Variants in GPD2 observed in about 807,000 individuals in gnomAD.
GPD2 encodes glycerol-3-phosphate dehydrogenase 2.
GPD2 carries 54 observed loss-of-function variants against 82.4 expected under a neutral mutation model. The ratio of observed to expected loss-of-function variants is 0.66; its 90% confidence interval spans 0.53 to 0.82. GPD2 has a LOEUF of 0.82. Among genes scored for constraint, GPD2 ranks in the 40% least tolerant of loss-of-function variants. The pLI, the probability that GPD2 is intolerant of heterozygous loss-of-function variation, is 0.00. For missense variants in GPD2, 748 were observed against 896.2 expected, an observed-to-expected ratio of 0.83 and a Z score of 2.11; for synonymous variants, 288 against 306.1, an observed-to-expected ratio of 0.94 and a Z score of 0.62.
intron 3 of GPD2, among the ~76,000 whole-genome samples, chr2:156,504,259 T>C (rs546943709): frequency 1.8e-4 from 28 of 152,248 alleles, no homozygotes; most frequent in Non-Finnish European, 3.8e-4. Flanking sequence ...AAGAGGATAA[T>C]ATTTTAGAGG....
chr2:156,425,747 C>T, the GPD2 span, among the ~76,000 whole-genome samples: 736 of 152,292 alleles, frequency 4.8e-3, 5 homozygotes, highest in African/African-American at 0.017. Flanking sequence ...CAGACCCCAC[C>T]ACTCCTTATT....
At chr2:156,513,642 A>G in intron 6 of GPD2, 146 bp downstream of exon 6, 1 of 689,718 alleles carries the variant, frequency 1.4e-6, no homozygotes, top group Non-Finnish European at 2.5e-6. Flanking sequence ...CATATTCACC[A>G]TTTTCTCTAA....
At chr2:156,401,656 G>A in the GPD2 span, among the ~76,000 whole-genome samples, 1 of 152,326 alleles carries the variant, frequency 6.6e-6, no homozygotes, top group East Asian at 1.9e-4. Context: ...CCAAATTTAT[G>A]ATTTGGAAAT....
At chr2:156,551,800 T>A (rs1483866969) in intron 8 of GPD2, among the ~76,000 whole-genome samples, 1 of 152,190 alleles carries the variant, frequency 6.6e-6, no homozygotes, top group Non-Finnish European at 1.5e-5. Flanking sequence ...TTATGTGCTG[T>A]AGGTTCTAAC....
chr2:156,447,823 A>G (rs191316866), intron 1 of GPD2, among the ~76,000 whole-genome samples: 1 of 152,168 alleles, frequency 6.6e-6, no homozygotes, highest in Admixed American at 6.5e-5. Context: ...TGGAATTCCC[A>G]GGGTCTGTCT....
intron 1 of GPD2, among the ~76,000 whole-genome samples, chr2:156,450,806 T>C (rs1573878991): frequency 8.5e-6 from 1 of 117,120 alleles, no homozygotes; most frequent in African/African-American, 3.2e-5. Context: ...CAGAGGACCC[T>C]GCGGCCTTCC....
chr2:156,544,457 A>T (rs1347096), intron 6 of GPD2, among the ~76,000 whole-genome samples: 7 of 151,958 alleles, frequency 4.6e-5, no homozygotes, highest in Non-Finnish European at 7.4e-5. Flanking sequence ...GCATGGCTAC[A>T]GGGAGGGGTG....
rs1307228510 is a variant in GPD2, at chr2:156,585,570, G to A, written c.*2652G>A. On this transcript the variant is annotated 3_prime_UTR_variant, in exon 17 of 17. Transcript: ENST00000438166. ...TGCTTTCAATCAATTTATACTGAGT[G>A]TAACTTTAGGATTTCTGCTATTAAA... The A allele has an allele frequency of 6.6e-6, 1 of 152,404 alleles. No homozygotes were observed. The highest frequency in any genetic ancestry group is 2.4e-5 in the African/African-American group (1 of 41,418). The allele number at this position is 152,404 out of a possible 1,614,324, so 9.4% of individuals were successfully genotyped here. A position where few individuals can be genotyped will look rare whatever the true frequency, so the allele number is the denominator to read the frequency against.
Position 156,514,265 on chromosome 2 carries a change from G to A in GPD2, c.661+769G>A, listed in dbSNP as rs555993076. On this transcript the variant is annotated intron_variant, in intron 6 of 16. Coordinates refer to ENST00000438166, the MANE Select transcript of GPD2 (RefSeq NM_000408.5). ...AGCCATTTGTAAAATTTTACTAGTA[G>A]TTTTAAAGAGTGTGTGAGATTGGAA... is the stretch of plus-strand genomic sequence containing the variant. Among the ~76,000 whole-genome samples, 9 of 152,046 alleles carry A rather than the reference G, an allele frequency of 5.9e-5. No individual in the cohort carries two copies. In the South Asian group the frequency reaches 1.9e-3, roughly 32 times the overall value.
At chr2:156,406,628 A>G in the GPD2 span, among the ~76,000 whole-genome samples, 1 of 151,714 alleles carries the variant, frequency 6.6e-6, no homozygotes, top group Non-Finnish European at 1.5e-5. Flanking sequence ...AAATTCAGTC[A>G]TTTCTTTATT....
chr2:156,536,759 C>A (rs182894124), intron 6 of GPD2, among the ~76,000 whole-genome samples: 23 of 152,342 alleles, frequency 1.5e-4, no homozygotes, highest in African/African-American at 4.8e-4. Context: ...CCACCTGTCT[C>A]TGCTGACTAG....
intron 1 of GPD2, among the ~76,000 whole-genome samples, chr2:156,459,153 G>C (rs1682891417): frequency 6.6e-6 from 1 of 152,150 alleles, no homozygotes; most frequent in African/African-American, 2.4e-5. Flanking sequence ...ACAAGGTGAA[G>C]AAATTCTAGA....
the GPD2 span, among the ~76,000 whole-genome samples, chr2:156,426,903 G>T: frequency 3.5e-4 from 53 of 152,180 alleles, no homozygotes; most frequent in Non-Finnish European, 4.4e-5. Context: ...GATGCAGATT[G>T]GGCTTTCCAG....
intron 6 of GPD2, among the ~76,000 whole-genome samples, chr2:156,520,560 GTTATTTATTTATTTATTTAT>G (rs148048031): frequency 1.4e-5 from 2 of 143,964 alleles, no homozygotes; most frequent in East Asian, 2.0e-4. Context: ...TATTTTTATT[GTTATTTATTTATTTATTTAT>G]TTATTTATTT....
intron 1 of GPD2, among the ~76,000 whole-genome samples, chr2:156,439,994 C>G (rs563666576): frequency 6.6e-6 from 1 of 152,060 alleles, no homozygotes; most frequent in African/African-American, 2.4e-5. Context: ...ACCCCTCAAC[C>G]CGCTAAATTC....
chr2:156,450,290 G>C (rs1308553624), intron 1 of GPD2, among the ~76,000 whole-genome samples: 3 of 152,144 alleles, frequency 2.0e-5, no homozygotes, highest in African/African-American at 7.2e-5. Context: ...AATGGGGTTT[G>C]GAGATTCTGA....
intron 1 of GPD2, among the ~76,000 whole-genome samples, chr2:156,438,483 C>T (rs1159678411): frequency 6.6e-6 from 1 of 151,954 alleles, no homozygotes; most frequent in African/African-American, 2.4e-5. Flanking sequence ...ACATTTTTTT[C>T]GGTTAGTTGA....
chr2:156,472,590 G>T (rs1276386012), intron 1 of GPD2, among the ~76,000 whole-genome samples: 1 of 152,126 alleles, frequency 6.6e-6, no homozygotes, highest in Non-Finnish European at 1.5e-5. Context: ...CCAAAGTGCT[G>T]GGATTACAGA....
At chr2:156,420,909 G>T in the GPD2 span, among the ~76,000 whole-genome samples, 1 of 152,140 alleles carries the variant, frequency 6.6e-6, no homozygotes, top group Non-Finnish European at 1.5e-5. Flanking sequence ...CCCAAATAAT[G>T]CTCCAAAAAA....
Sources: allele counts gnomAD v4.1 joint callset (sites outside exome capture counted in the v4.1 genomes callset), GRCh38; gene constraint gnomAD v4.1.1; transcripts MANE v1.5; gene names NCBI Gene and HGNC (gene_info 2026-07-23, HGNC 2026-07-21).